CCDC66: variants seen among roughly 807,000 people sequenced by gnomAD.
CCDC66 encodes the protein coiled-coil domain-containing protein 66.
In CCDC66, 133 loss-of-function variants were observed where a neutral mutation model predicts 128.3. That is an observed-to-expected ratio of 1.04 (90% confidence interval 0.90 to 1.20). The LOEUF (loss-of-function observed/expected upper bound fraction) is 1.20, where lower values mean the gene tolerates loss of function less well. CCDC66 is among the 50% of genes most tolerant of loss of function. The probability of loss-of-function intolerance (pLI) is 0.00; values close to 1 mark genes in which losing one functional copy is unlikely to be tolerated. For missense variants in CCDC66, 1,126 were observed against 1,075.5 expected (o/e 1.05, Z -0.66); for synonymous variants, 387 against 357.0 (o/e 1.08, Z -0.95).
chr3:56,619,159 A>T, intron 15 of CCDC66, 112 bp from the exon 16 acceptor site: 6 of 890,212 alleles, frequency 6.7e-6, no homozygotes, highest in Non-Finnish European at 1.0e-5. Context: ...GCGCCACTGC[A>T]CTCCAGCCTG....
intron 7 of CCDC66, among the ~76,000 whole-genome samples, chr3:56,578,804 C>T (rs2067827896): frequency 6.6e-6 from 1 of 151,722 alleles, no homozygotes; most frequent in African/African-American, 2.4e-5. Flanking sequence ...CTGCTGGATT[C>T]GGTTTGCCAG....
intron 6 of CCDC66, among the ~76,000 whole-genome samples, chr3:56,568,821 A>G (rs1024899197): frequency 1.3e-5 from 2 of 152,224 alleles, no homozygotes; most frequent in African/African-American, 4.8e-5. Flanking sequence ...AAAAATCTAT[A>G]ATTTCTGTTA....
At chr3:56,566,466 C>A in intron 4 of CCDC66, 128 bp from the exon 5 acceptor site, 2 of 579,594 alleles carry the variant, frequency 3.5e-6, no homozygotes. Context: ...TTAATGGCTA[C>A]CTCAAGGATT....
At chr3:56,589,334 T>G (rs965531491) in intron 7 of CCDC66, among the ~76,000 whole-genome samples, 1 of 152,180 alleles carries the variant, frequency 6.6e-6, no homozygotes, top group Non-Finnish European at 1.5e-5. Flanking sequence ...CAGAACCAAA[T>G]GTGTTTACTG....
Position 56,567,045 on chromosome 3 carries a change from A to G in CCDC66, c.806A>G (p.Lys269Arg). ...SLEAKKAQWR[K>R]ELDEQVALKK... ...GAAGCAAAAAAAGCCCAGTGGAGGAAAGAGCTAGGTAGGTAACTTTTATAC... is the reference window on the plus strand; with the variant it reads ...GAAGCAAAAAAAGCCCAGTGGAGGAGAGAGCTAGGTAGGTAACTTTTATAC... Residue 269 changes from lysine (K) to arginine (R), a missense_variant, in exon 6 of 18, where the codon AAA becomes AGA. By Grantham distance (26) the Lys-to-Arg change is conservative. Coordinates refer to ENST00000394672, the MANE Select transcript of CCDC66 (RefSeq NM_001141947.3). 6.2e-7 allele frequency: 1 copy of G among 1,612,132 alleles called. No individual in the cohort carries two copies. Among genetic ancestry groups the G allele is most frequent in the Non-Finnish European group, 8.5e-7 (1 of 1,178,176 alleles).
At position 56,619,607 on chromosome 3, in the gene CCDC66, G is replaced by A. The variant is rs182909338; in HGVS notation, c.2635+80G>A. On this transcript the variant is annotated intron_variant, in intron 16 of 17. Transcript: ENST00000394672. Reference sequence around the variant, plus strand: ...GTCAACAACTTTAAATTCCAAATTAGTAATTCCTGCACTTAGTTCTATAAA... The same window carrying A: ...GTCAACAACTTTAAATTCCAAATTAATAATTCCTGCACTTAGTTCTATAAA... The A allele has an allele frequency of 1.1e-5, 16 of 1,506,908 alleles. No homozygotes were observed. In the African/African-American group the frequency reaches 1.3e-4, roughly 12 times the overall value. The allele number at this position is 1,506,908 out of a possible 1,614,324, so 93.3% of individuals were successfully genotyped here. A position where few individuals can be genotyped will look rare whatever the true frequency, so the allele number is the denominator to read the frequency against.
chr3:56,596,718 C>T (rs942939959), intron 10 of CCDC66, among the ~76,000 whole-genome samples: 6 of 149,426 alleles, frequency 4.0e-5, no homozygotes, highest in Admixed American at 1.3e-4. Context: ...AGTAGGTTTA[C>T]ATTTTTGGGT....
At chr3:56,577,082 G>C (rs909543699) in intron 7 of CCDC66, among the ~76,000 whole-genome samples, 11 of 151,840 alleles carry the variant, frequency 7.2e-5, no homozygotes, top group Admixed American at 5.9e-4. Context: ...TCTAGCACCT[G>C]TTGTTCCCTG....
In CCDC66 at chr3:56,619,459, A is replaced by G. The variant is rs767765808; in HGVS notation, c.2567A>G (p.Tyr856Cys). 49 of 1,613,986 alleles carry G rather than the reference A, an allele frequency of 3.0e-5. No individual in the cohort carries two copies. In the East Asian group the frequency reaches 3.3e-4, roughly 11 times the overall value. ...FIPYVRTNEI[Y>C]YLDPDAPLSG... ...CCGTATGTTCGAACAAATGAGATCT[A>G]TTACCTTGATCCCGATGCACCATTG... Residue 856 changes from tyrosine to cysteine, a missense_variant, in exon 16 of 18, where the codon TAT (tyrosine) becomes TGT (cysteine). Coordinates refer to ENST00000394672, the MANE Select transcript of CCDC66 (RefSeq NM_001141947.3).
intron 7 of CCDC66, among the ~76,000 whole-genome samples, chr3:56,586,493 T>C (rs560452977): frequency 2.7e-5 from 4 of 150,166 alleles, no homozygotes; most frequent in Admixed American, 1.4e-4. Flanking sequence ...ATCACACCAC[T>C]GCACTCTGGC....
intron 14 of CCDC66, 151 bp from the exon 15 acceptor site, chr3:56,618,021 T>A (rs952654263): frequency 2.8e-5 from 19 of 669,746 alleles, no homozygotes; most frequent in Non-Finnish European, 4.7e-5. Context: ...GTTTTGACTC[T>A]GGAAAAAACT....
intron 6 of CCDC66, 22 bp downstream of exon 6, chr3:56,567,075 AT>A: frequency 1.3e-6 from 2 of 1,544,514 alleles, no homozygotes; most frequent in Non-Finnish European, 1.8e-6. Flanking sequence ...TTATACCTTT[AT>A]TATAGTTTTA....
chr3:56,562,126 G>A (rs1296999940), intron 3 of CCDC66, among the ~76,000 whole-genome samples: 5 of 150,268 alleles, frequency 3.3e-5, no homozygotes, highest in Non-Finnish European at 7.4e-5. Flanking sequence ...CTGCAGCCTC[G>A]ACCTCCTGGG....
Position 56,557,243 on chromosome 3 carries a change from A to ATGAACTTGGGGTAAGCAGGGG in CCDC66, c.3_11+12dup. ...TGTGGAGAGAGTGCGAGGTCAGGCC[A>ATGAACTTGGGGTAAGCAGGGG]TGAACTTGGGGTAAGCAGGGGTAAG... is the stretch of plus-strand genomic sequence containing the variant. On this transcript the variant is annotated stop_gained and inframe_insertion, in exon 1 of 18. Transcript: ENST00000394672. LOFTEE classifies it high-confidence loss of function. The ATGAACTTGGGGTAAGCAGGGG allele has an allele frequency of 9.9e-7, 1 of 1,005,950 alleles. No homozygotes were observed. The highest frequency in any genetic ancestry group is 2.8e-5 in the East Asian group (1 of 36,120). The allele number at this position is 1,005,950 out of a possible 1,614,324, so 62.3% of individuals were successfully genotyped here. A position where few individuals can be genotyped will look rare whatever the true frequency, so the allele number is the denominator to read the frequency against.
Position 56,584,147 on chromosome 3 carries a change from G to A in CCDC66, c.937-8823G>A, listed in dbSNP as rs376521183. Among the ~76,000 whole-genome samples the A allele has an allele frequency of 9.4e-3, 1,155 of 123,464 alleles. 30 individuals are homozygous for A. Among genetic ancestry groups the A allele is most frequent in the South Asian group, 0.018 (66 of 3,752 alleles). 81.0% of individuals were successfully genotyped at this position (123,464 alleles called of 152,430 possible). On this transcript the variant is annotated intron_variant, in intron 7 of 17. Coordinates refer to ENST00000394672, the MANE Select transcript of CCDC66 (RefSeq NM_001141947.3). ...TCCCTCCCGGACGGGGCGGCTGGCC[G>A]GGCGGGGGCGGCCCCCCACCTCCCG...
chr3:56,580,591 G>T (rs1164418980), intron 7 of CCDC66, among the ~76,000 whole-genome samples: 11 of 151,792 alleles, frequency 7.2e-5, no homozygotes, highest in African/African-American at 2.7e-4. Context: ...AGGAGCTCTT[G>T]TAAGGCAGGC....
chr3:56,564,259 C>G (rs1460291407), intron 4 of CCDC66, 134 bp downstream of exon 4: 1 of 644,738 alleles, frequency 1.6e-6, no homozygotes, highest in South Asian at 2.7e-5. Flanking sequence ...AATAATTGTT[C>G]TTTTAGAGGA....
chr3:56,597,797 CAG>C (rs2072358609), intron 10 of CCDC66, among the ~76,000 whole-genome samples: 2 of 1,710 alleles, frequency 1.2e-3, no homozygotes, highest in Admixed American at 7.1e-3. Flanking sequence ...TTTTTTGAGA[CAG>C]AGCCTCGCTC....
chr3:56,597,805 C>T (rs143949226), intron 10 of CCDC66, among the ~76,000 whole-genome samples: 5,656 of 37,882 alleles, frequency 0.15, 140 homozygotes, highest in Middle Eastern at 0.3. Context: ...GACAGAGCCT[C>T]GCTCTGTTGC....
Sources: allele counts gnomAD v4.1 joint callset (sites outside exome capture counted in the v4.1 genomes callset), GRCh38; gene constraint gnomAD v4.1.1; transcripts MANE v1.5; gene names NCBI Gene and HGNC (gene_info 2026-07-23, HGNC 2026-07-21).